Variants in SACM1L observed in about 807,000 individuals in gnomAD.
SACM1L encodes SAC1 like phosphatidylinositide phosphatase.
In SACM1L, 32 loss-of-function variants were observed where a neutral mutation model predicts 89.5. That is an observed-to-expected ratio of 0.36 (90% CI 0.27 to 0.48). SACM1L has a LOEUF of 0.48. SACM1L is among the 20% of genes least tolerant of loss of function. SACM1L has a pLI of 0.99. For synonymous variants in SACM1L, 213 were observed against 232.8 expected, an observed-to-expected ratio of 0.92 and a Z score of 0.77; for missense variants, 543 against 708.5, an observed-to-expected ratio of 0.77 and a Z score of 2.65.
intron 3 of SACM1L, 150 bp from the exon 4 acceptor site, chr3:45,706,630 T>C (rs1698402247): frequency 2.1e-6 from 1 of 486,958 alleles, no homozygotes. Context: ...ATTCATAAAT[T>C]GTAAGGTTGC....
At chr3:45,699,689 T>G (rs914803679) in intron 1 of SACM1L, among the ~76,000 whole-genome samples, 4 of 152,080 alleles carry the variant, frequency 2.6e-5, no homozygotes, top group Non-Finnish European at 4.4e-5. Flanking sequence ...ACCTGGCTAA[T>G]TTTTGTATTT....
intron 16 of SACM1L, 55 bp downstream of exon 16, chr3:45,737,899 T>G: frequency 6.9e-7 from 1 of 1,442,868 alleles, no homozygotes; most frequent in Non-Finnish European, 9.7e-7. Context: ...GTCCTGGTGC[T>G]TTTAAAAATC....
chr3:45,744,180 A>C lies in SACM1L; in HGVS notation c.*511A>C, dbSNP rs749245126. ...TATAAAATGTAAGTCTCTTACAGACATCAAGTAGTTTGATGAGACAGTCTG... is the reference window on the plus strand; with the variant it reads ...TATAAAATGTAAGTCTCTTACAGACCTCAAGTAGTTTGATGAGACAGTCTG... On this transcript the variant is annotated 3_prime_UTR_variant, in exon 20 of 20. Transcript: ENST00000389061. 6.6e-6 allele frequency: 1 copy of C among 152,446 alleles called. No homozygotes were observed. The highest frequency in any genetic ancestry group is 2.4e-5 in the African/African-American group (1 of 41,456). The allele number at this position is 152,446 out of a possible 1,614,324, so 9.4% of individuals were successfully genotyped here. A position where few individuals can be genotyped will look rare whatever the true frequency, so the allele number is the denominator to read the frequency against.
intron 11 of SACM1L, among the ~76,000 whole-genome samples, chr3:45,724,298 G>GGTGTGTGTGTGTGTGT (rs61075879): frequency 1.8e-3 from 247 of 139,814 alleles, no homozygotes; most frequent in African/African-American, 4.9e-3. Context: ...GTTGTTTTCT[G>GGTGTGTGTGTGTGTGT]GTGTGTGTGT....
intron 7 of SACM1L, among the ~76,000 whole-genome samples, chr3:45,716,888 T>C (rs943875104): frequency 1.3e-5 from 2 of 152,324 alleles, no homozygotes; most frequent in Non-Finnish European, 2.9e-5. Flanking sequence ...TTCCATGCTT[T>C]CTGGATTCTC....
At position 45,701,151 on chromosome 3, in the gene SACM1L, ATTT is replaced by A. The variant is rs910257482; in HGVS notation, c.33-2277_33-2275del. 6.8e-5 allele frequency among the ~76,000 whole-genome samples: 10 copies of A among 147,990 alleles called. No individual in the cohort carries two copies. The East Asian group carries it at 7.8e-4, about 12-fold the overall frequency. The stretch of plus-strand genomic sequence containing the variant: ...CCTGGGTTTTAAAAACATTTCTTTA[ATTT>A]TTTTTTTTTACTAACCAGGGTCAAT... On this transcript the variant is annotated intron_variant, in intron 1 of 19. Transcript: ENST00000389061.
intron 7 of SACM1L, among the ~76,000 whole-genome samples, chr3:45,715,643 T>G (rs920075871): frequency 6.6e-6 from 1 of 151,918 alleles, no homozygotes; most frequent in Non-Finnish European, 1.5e-5. Context: ...GCGTGGTGGC[T>G]CACACCTGTA....
chr3:45,708,770 T>C (rs1698455488), intron 4 of SACM1L, among the ~76,000 whole-genome samples: 1 of 152,326 alleles, frequency 6.6e-6, no homozygotes, highest in African/African-American at 2.4e-5. Flanking sequence ...AAAAATTTTG[T>C]ATATGTAGAT....
rs952168280 is a variant in SACM1L at position 45,705,303 on chromosome 3, T to C, written c.205+94T>C. On this transcript the variant is annotated intron_variant, in intron 3 of 19. Transcript: ENST00000389061. ...GTGAGTATACGATGAAGTAATACTT[T>C]GTATCATGCTTTAAGCAGTAAATCT... 6 of 691,936 alleles carry C rather than the reference T, an allele frequency of 8.7e-6. No individual in the cohort carries two copies. The African/African-American group carries it at 9.1e-5, about 11-fold the overall frequency. 42.9% of individuals were successfully genotyped at this position (691,936 alleles called of 1,614,324 possible). A position where few individuals can be genotyped will look rare whatever the true frequency, so the allele number is the denominator to read the frequency against.
intron 5 of SACM1L, among the ~76,000 whole-genome samples, chr3:45,712,067 A>G (rs1698542541): frequency 1.3e-5 from 2 of 152,220 alleles, no homozygotes; most frequent in South Asian, 4.1e-4. Context: ...AATAATAATA[A>G]GTATGACTGG....
intron 1 of SACM1L, among the ~76,000 whole-genome samples, chr3:45,692,447 C>G (rs1231560825): frequency 2.0e-5 from 3 of 152,104 alleles, no homozygotes; most frequent in Admixed American, 6.5e-5. Flanking sequence ...CCTCAGCCCC[C>G]AAAGCATCTG....
intron 7 of SACM1L, among the ~76,000 whole-genome samples, chr3:45,715,286 A>G (rs998363493): frequency 6.6e-6 from 1 of 152,196 alleles, no homozygotes; most frequent in Non-Finnish European, 1.5e-5. Flanking sequence ...TCTATTATTT[A>G]TTTATTCAGT....
chr3:45,711,231 T>C (rs988822933), intron 5 of SACM1L, among the ~76,000 whole-genome samples: 13 of 152,078 alleles, frequency 8.5e-5, no homozygotes, highest in African/African-American at 2.7e-4. Context: ...GTTGGTCAGG[T>C]GACAGTGGGC....
At chr3:45,693,714 A>G (rs1438808763) in intron 1 of SACM1L, among the ~76,000 whole-genome samples, 1 of 152,192 alleles carries the variant, frequency 6.6e-6, no homozygotes, top group East Asian at 1.9e-4. Flanking sequence ...GTCCTCAGAC[A>G]TGCCAGGTAT....
intron 19 of SACM1L, among the ~76,000 whole-genome samples, chr3:45,740,584 A>G (rs1699291880): frequency 1.3e-5 from 2 of 152,330 alleles, no homozygotes; most frequent in Admixed American, 6.5e-5. Context: ...TTTTCCTTTC[A>G]CATTACCAAA....
chr3:45,697,706 GTGTC>G (rs1228905481), intron 1 of SACM1L, among the ~76,000 whole-genome samples: 5 of 152,170 alleles, frequency 3.3e-5, no homozygotes, highest in Admixed American at 6.5e-5. Flanking sequence ...TCCATAGTAT[GTGTC>G]TTATTAATGG....
intron 19 of SACM1L, among the ~76,000 whole-genome samples, chr3:45,742,295 T>C (rs1699333223): frequency 6.6e-6 from 1 of 152,240 alleles, no homozygotes; most frequent in Non-Finnish European, 1.5e-5. Flanking sequence ...GATGGTAACT[T>C]CTCATGTCAG....
intron 11 of SACM1L, among the ~76,000 whole-genome samples, chr3:45,724,298 GGTGTGTGTGTGTGTGT>G (rs61075879): frequency 7.2e-6 from 1 of 139,716 alleles, no homozygotes; most frequent in Non-Finnish European, 1.5e-5. Context: ...GTTGTTTTCT[GGTGTGTGTGTGTGTGT>G]GTGTGTGTGT....
chr3:45,692,778 TTC>T (rs1484608503), intron 1 of SACM1L, among the ~76,000 whole-genome samples: 2 of 152,248 alleles, frequency 1.3e-5, no homozygotes, highest in Admixed American at 6.5e-5. Context: ...GATTTATGTA[TTC>T]TGTCTCTTAG....
Sources: allele counts gnomAD v4.1 joint callset (sites outside exome capture counted in the v4.1 genomes callset), GRCh38; gene constraint gnomAD v4.1.1; transcripts MANE v1.5; gene names NCBI Gene and HGNC (gene_info 2026-07-23, HGNC 2026-07-21).